The following SERTM1 variants were observed in gnomAD, a reference collection of about 807,000 sequenced individuals.
SERTM1 encodes serine rich and transmembrane domain containing 1.
A neutral mutation model predicts 5.5 loss-of-function variants in SERTM1; 1 was observed. That is an observed-to-expected ratio of 0.18 (90% CI 0.06 to 0.86). The LOEUF is 0.86. SERTM1 is among the 40% of genes least tolerant of loss of function. The pLI is 0.69. For synonymous variants in SERTM1, 52 were observed against 55.1 expected, an observed-to-expected ratio of 0.94 and a Z score of 0.25; for missense variants, 91 against 122.4, an observed-to-expected ratio of 0.74 and a Z score of 1.21.
chr13:36,697,559 A>G lies in SERTM1; in HGVS notation c.*2157A>G, dbSNP rs938551991. The G allele has an allele frequency of 7.8e-5, 13 of 166,830 alleles. No homozygotes were observed. Among genetic ancestry groups the G allele is most frequent in the African/African-American group, 2.9e-4 (12 of 41,462 alleles). 10.3% of individuals were successfully genotyped at this position (166,830 alleles called of 1,614,324 possible). A position where few individuals can be genotyped will look rare whatever the true frequency, so the allele number is the denominator to read the frequency against. ...CTCAGGGTATCTTTATATCCTTTCCATGTGAAAGAGATATAAAGAATTCTG... is the reference window on the plus strand; with the variant it reads ...CTCAGGGTATCTTTATATCCTTTCCGTGTGAAAGAGATATAAAGAATTCTG... On this transcript the variant is annotated 3_prime_UTR_variant, in exon 2 of 2. Coordinates refer to ENST00000315190, the MANE Select transcript of SERTM1 (RefSeq NM_203451.3).
At chr13:36,676,111 G>A (rs1206727015) in intron 1 of SERTM1, among the ~76,000 whole-genome samples, 9 of 152,154 alleles carry the variant, frequency 5.9e-5, no homozygotes, top group Admixed American at 5.9e-4. Context: ...GTGATTGCAT[G>A]TGGCATCAAA....
At chr13:36,679,155 A>C (rs1251174682) in intron 1 of SERTM1, among the ~76,000 whole-genome samples, 2 of 152,236 alleles carry the variant, frequency 1.3e-5, no homozygotes, top group Non-Finnish European at 2.9e-5. Context: ...TCAAAAAAAA[A>C]ATTTACTAAT....
chr13:36,686,744 C>T (rs551286335), intron 1 of SERTM1, among the ~76,000 whole-genome samples: 1 of 152,174 alleles, frequency 6.6e-6, no homozygotes, highest in African/African-American at 2.4e-5. Flanking sequence ...ATTCAAATTT[C>T]CCCAGTGGTC....
intron 1 of SERTM1, among the ~76,000 whole-genome samples, chr13:36,693,726 G>A (rs1238104185): frequency 6.6e-6 from 1 of 152,142 alleles, no homozygotes; most frequent in Non-Finnish European, 1.5e-5. Flanking sequence ...TAAAATGAAG[G>A]GCAGAGTTTA....
chr13:36,687,726 A>G (rs1004484905), intron 1 of SERTM1, among the ~76,000 whole-genome samples: 1 of 151,954 alleles, frequency 6.6e-6, no homozygotes, highest in African/African-American at 2.4e-5. Context: ...CTGCACATCC[A>G]TTCTTATAAA....
intron 1 of SERTM1, among the ~76,000 whole-genome samples, chr13:36,694,130 G>A (rs2056797720): frequency 2.0e-5 from 3 of 152,268 alleles, no homozygotes; most frequent in Non-Finnish European, 4.4e-5. Flanking sequence ...GATGAAGCAG[G>A]TGTTGGACCA....
At chr13:36,679,697 G>A (rs977819643) in intron 1 of SERTM1, among the ~76,000 whole-genome samples, 3 of 152,102 alleles carry the variant, frequency 2.0e-5, no homozygotes, top group African/African-American at 7.2e-5. Flanking sequence ...GTGACCCACC[G>A]CACCTGACCT....
intron 1 of SERTM1, 24 bp from the exon 2 acceptor site, chr13:36,694,882 C>A: frequency 1.8e-6 from 1 of 551,318 alleles, no homozygotes; most frequent in Non-Finnish European, 3.2e-6. Flanking sequence ...CTGAAGAATG[C>A]ACTGACTTGC....
rs1456197582 is a variant in SERTM1 at position 36,674,173 on chromosome 13, C to T, written c.-185C>T. 6.6e-6 allele frequency: 1 copy of T among 152,282 alleles called. No individual in the cohort carries two copies. Among genetic ancestry groups the T allele is most frequent in the African/African-American group, 2.4e-5 (1 of 41,448 alleles). 9.4% of individuals were successfully genotyped at this position (152,282 alleles called of 1,614,324 possible). A position where few individuals can be genotyped will look rare whatever the true frequency, so the allele number is the denominator to read the frequency against. On this transcript the variant is annotated 5_prime_UTR_variant, in exon 1 of 2. Transcript: ENST00000315190. The stretch of plus-strand genomic sequence containing the variant: ...GAGACCTGCCGGGGAAGTCGCGTGT[C>T]CTGACCTGCAGGTCAGTGAGGGAAA...
chr13:36,683,987 C>T (rs1028677119), intron 1 of SERTM1, among the ~76,000 whole-genome samples: 6 of 152,308 alleles, frequency 3.9e-5, no homozygotes, highest in Admixed American at 6.5e-5. Context: ...GTTGGGTGAG[C>T]TTGGACAAGC....
intron 1 of SERTM1, among the ~76,000 whole-genome samples, chr13:36,691,630 G>GA (rs1274507050): frequency 1.2e-4 from 18 of 152,016 alleles, no homozygotes; most frequent in Admixed American, 7.2e-4. Flanking sequence ...ATTCTGAGCG[G>GA]AAAAAAAGCA....
chr13:36,676,691 G>A (rs995544307), intron 1 of SERTM1, among the ~76,000 whole-genome samples: 3 of 151,996 alleles, frequency 2.0e-5, no homozygotes, highest in African/African-American at 7.2e-5. Flanking sequence ...ACAGAAGAAT[G>A]TTGTTTTCTT....
At chr13:36,675,643 G>A (rs1477926648) in intron 1 of SERTM1, among the ~76,000 whole-genome samples, 6 of 142,452 alleles carry the variant, frequency 4.2e-5, no homozygotes, top group Non-Finnish European at 9.8e-5. Context: ...TTACTAAGTA[G>A]AGTAGTGTCT....
chr13:36,681,312 A>G (rs618599), intron 1 of SERTM1, among the ~76,000 whole-genome samples: 149,968 of 152,366 alleles, frequency 0.98, 73,844 homozygotes, highest in East Asian at 1. Context: ...CACTGTATTT[A>G]TTGCAGTTTC....
chr13:36,692,852 T>G (rs1322645270), intron 1 of SERTM1, among the ~76,000 whole-genome samples: 1 of 152,246 alleles, frequency 6.6e-6, no homozygotes, highest in Non-Finnish European at 1.5e-5. Flanking sequence ...GTCACTTTTC[T>G]GTCACTGTCT....
chr13:36,691,877 G>C (rs146902811), intron 1 of SERTM1, among the ~76,000 whole-genome samples: 19 of 152,246 alleles, frequency 1.2e-4, no homozygotes, highest in South Asian at 8.3e-4. Flanking sequence ...ACACATACAG[G>C]CTGGGTCACC....
intron 1 of SERTM1, among the ~76,000 whole-genome samples, chr13:36,683,451 T>C (rs1344764849): frequency 6.6e-6 from 1 of 152,200 alleles, no homozygotes; most frequent in African/African-American, 2.4e-5. Context: ...CATCAAAGTA[T>C]AGTGAGACCT....
In SERTM1 at chr13:36,695,228, C is replaced by G. The variant is rs948274776; in HGVS notation, c.150C>G (p.Ser50Arg). Residue 50 changes from serine to arginine, a missense_variant, in exon 2 of 2, where the codon AGC becomes AGG. Ser to Arg is a moderately radical substitution (Grantham distance 110). Transcript: ENST00000315190. ...NVYIYVSIFL[S>R]LLAFLLLLLI... Reference sequence around the variant, plus strand: ...ACATCTATGTGTCCATATTCCTCAGCCTTTTAGCGTTTCTGCTTCTGCTTT... The same window carrying G: ...ACATCTATGTGTCCATATTCCTCAGGCTTTTAGCGTTTCTGCTTCTGCTTT... 1 of 1,614,218 alleles carries G rather than the reference C, an allele frequency of 6.2e-7. No homozygotes were observed. The highest frequency in any genetic ancestry group is 8.5e-7 in the Non-Finnish European group (1 of 1,180,036).
chr13:36,695,150 C>T lies in SERTM1; in HGVS notation c.72C>T (p.Pro24=), dbSNP rs755107713. 5.0e-6 allele frequency: 8 copies of T among 1,614,178 alleles called. No individual in the cohort carries two copies. Among genetic ancestry groups the T allele is most frequent in the Non-Finnish European group, 5.1e-6 (6 of 1,179,996 alleles). ...ATGGAACTTTTCTTGAGCTGTTTCC[C>T]ACATCCCTGTCCACGTCAGTGGACC... is the stretch of plus-strand genomic sequence containing the variant. The part of the protein sequence containing the change: ...VENGTFLELF[P]TSLSTSVDPS... The change falls in exon 2 of 2, where the codon CCC becomes CCT. Residue 24 remains proline, a synonymous_variant. Transcript: ENST00000315190.
Sources: gnomAD v4.1 joint callset for allele counts (sites outside exome capture counted in the v4.1 genomes callset) on GRCh38, gnomAD v4.1.1 for gene constraint, MANE v1.5 for transcripts, NCBI Gene and HGNC (gene_info 2026-07-23, HGNC 2026-07-21) for gene names.